The following RFWD3 variants were observed in gnomAD, a reference collection of about 807,000 sequenced individuals.
RFWD3 encodes ring finger and WD repeat domain 3.
Under a neutral mutation model 87.7 loss-of-function variants are expected in RFWD3, and 65 were observed. That is an observed-to-expected ratio of 0.74 (90% CI 0.61 to 0.91). The LOEUF is 0.91. Among genes scored for constraint, RFWD3 ranks in the 40% least tolerant of loss-of-function variants. The pLI is 0.00. For missense variants in RFWD3, 1,078 were observed against 938.5 expected (o/e 1.15, Z -1.94); for synonymous variants, 433 against 352.8 (o/e 1.23, Z -2.55).
rs1404624996 is a variant in RFWD3, at chr16:74,621,848, C to A, written c.*2080G>T. On this transcript the variant is annotated 3_prime_UTR_variant, in exon 13 of 13. Transcript: ENST00000361070. ...TAGCTGGGACTACAGGCATGCGCAC[C>A]ACTGCACCCAGTTAATTTTTGTATT... 1 of 152,140 alleles carries A rather than the reference C, an allele frequency of 6.6e-6. No homozygotes were observed. 9.4% of individuals were successfully genotyped at this position (152,140 alleles called of 1,614,324 possible).
rs1013030767 is a variant in RFWD3 at position 74,628,498 on chromosome 16, A to C, written c.1923T>G (p.Phe641Leu). ...AGTGCCGGGAGCTGTTCTCTGTCTG[A>C]AAGTCTATGCAGCCCCCTGGCTCCA... ...LPLEPGGCID[F>L]QTENSSRHCL... The change falls in exon 11 of 13, where the codon TTT becomes TTG. Residue 641 changes from phenylalanine (F) to leucine (L), a missense_variant. Transcript: ENST00000361070. The C allele has an allele frequency of 1.2e-6, 2 of 1,614,058 alleles. No individual in the cohort carries two copies. Among genetic ancestry groups the C allele is most frequent in the African/African-American group, 2.7e-5 (2 of 74,920 alleles).
chr16:74,654,666 T>G (rs1597451183), intron 2 of RFWD3, among the ~76,000 whole-genome samples: 1 of 152,294 alleles, frequency 6.6e-6, no homozygotes, highest in African/African-American at 2.4e-5. Flanking sequence ...GAGGAAGGCA[T>G]GTCAAAAGCT....
intron 10 of RFWD3, among the ~76,000 whole-genome samples, chr16:74,630,110 T>C (rs1236200987): frequency 1.3e-5 from 2 of 152,150 alleles, no homozygotes; most frequent in South Asian, 2.1e-4. Context: ...TTTTTTTTTT[T>C]CTTGAGATGG....
At chr16:74,627,775 C>T (rs374838893) in intron 11 of RFWD3, among the ~76,000 whole-genome samples, 7 of 152,304 alleles carry the variant, frequency 4.6e-5, no homozygotes, top group African/African-American at 1.7e-4. Context: ...GAAAGGCAAA[C>T]TATGAACACC....
In RFWD3 at chr16:74,628,534, A is replaced by T; in HGVS notation, c.1887T>A (p.His629Gln). The T allele has an allele frequency of 6.2e-7, 1 of 1,614,182 alleles. No individual in the cohort carries two copies. The highest frequency in any genetic ancestry group is 8.5e-7 in the Non-Finnish European group (1 of 1,180,034). Residue 629 changes from histidine to glutamine, a missense_variant, in exon 11 of 13, where the codon CAT becomes CAA. His to Gln is a conservative substitution (Grantham distance 24). Transcript: ENST00000361070. ...AGCCCCCTGGCTCCAAGGGCAGCAC[A>T]TGAGGCCAATGAGAAAAGTCCATTT... ...EQKMDFSHWP[H>Q]VLPLEPGGCI...
intron 12 of RFWD3, among the ~76,000 whole-genome samples, chr16:74,624,743 T>C (rs1958871724): frequency 6.6e-6 from 1 of 152,288 alleles, no homozygotes; most frequent in Non-Finnish European, 1.5e-5. Flanking sequence ...CACCTGTAAT[T>C]CCAACACTTT....
chr16:74,624,210 C>CA, intron 12 of RFWD3, 139 bp from the exon 13 acceptor site: 2 of 984,514 alleles, frequency 2.0e-6, no homozygotes, highest in Non-Finnish European at 2.9e-6. Context: ...CTAACCTTTG[C>CA]AAGGTTGTTC....
At chr16:74,649,748 A>C (rs2144251166) in intron 3 of RFWD3, among the ~76,000 whole-genome samples, 1 of 152,270 alleles carries the variant, frequency 6.6e-6, no homozygotes, top group East Asian at 1.9e-4. Flanking sequence ...GAATCCAAAA[A>C]AAGTCTCCAT....
chr16:74,636,614 T>TA, intron 7 of RFWD3, 37 bp from the exon 8 acceptor site: 1 of 1,404,012 alleles, frequency 7.1e-7, no homozygotes, highest in Non-Finnish European at 9.9e-7. Flanking sequence ...CAAAGCTTTT[T>TA]AATTTGATAT....
At chr16:74,634,950 T>G (rs986300269) in intron 8 of RFWD3, among the ~76,000 whole-genome samples, 6 of 152,052 alleles carry the variant, frequency 3.9e-5, no homozygotes, top group African/African-American at 1.2e-4. Context: ...GAGACCAGCC[T>G]GACCAAAATG....
chr16:74,664,526 A>G (rs1961724359), intron 1 of RFWD3: 1 of 152,100 alleles, frequency 6.6e-6, no homozygotes, highest in Non-Finnish European at 1.5e-5. Context: ...TGAGGCAGGT[A>G]GCTGGAGACC....
intron 2 of RFWD3, among the ~76,000 whole-genome samples, chr16:74,655,406 A>AT (rs771700177): frequency 0.01 from 1,454 of 143,764 alleles, 9 homozygotes; most frequent in Non-Finnish European, 0.01. Flanking sequence ...CGCCTGGCTA[A>AT]TTTTTTTTTT....
In RFWD3 at chr16:74,626,450, CA is replaced by C. The variant is rs867228258; in HGVS notation, c.2073del (p.Phe691LeufsTer9). 4 of 1,614,118 alleles carry C rather than the reference CA, an allele frequency of 2.5e-6. No individual in the cohort carries two copies. The highest frequency in any genetic ancestry group is 3.4e-6 in the Non-Finnish European group (4 of 1,180,008). On this transcript the variant is annotated frameshift_variant, in exon 12 of 13. Transcript: ENST00000361070. LOFTEE classifies it high-confidence loss of function. The part of the protein sequence containing the change: ...ICSCQPVHTF[F>X]GGPTCKLLTK... ...GTCAATAGTTTGCAAGTAGGTCCTCCAAAAAATGTATGTACAGGCTGGCAGG... is the reference window on the plus strand; with the variant it reads ...GTCAATAGTTTGCAAGTAGGTCCTCCAAAAATGTATGTACAGGCTGGCAGG...
rs567375851 is a variant in RFWD3, at chr16:74,635,481, A to T, written c.1426+865T>A. Among the ~76,000 whole-genome samples, 469 of 152,078 alleles carry T rather than the reference A, an allele frequency of 3.1e-3. 2 individuals carry two copies. The highest frequency in any genetic ancestry group is 0.011 in the African/African-American group (460 of 41,478). Reference sequence around the variant, plus strand: ...GACTCCATCTCAAAAGAAAAAAAAAAAATCAACAAGGTAACAGAAATACAC... The same window carrying T: ...GACTCCATCTCAAAAGAAAAAAAAATAATCAACAAGGTAACAGAAATACAC... On this transcript the variant is annotated intron_variant, in intron 8 of 12. Transcript: ENST00000361070.
At chr16:74,643,512 G>T (rs747210793) in intron 6 of RFWD3, among the ~76,000 whole-genome samples, 1 of 151,958 alleles carries the variant, frequency 6.6e-6, no homozygotes, top group Admixed American at 6.6e-5. Context: ...TAGATCAAAG[G>T]CTTTAGAGAC....
At chr16:74,631,823 G>C (rs1597414431) in intron 9 of RFWD3, among the ~76,000 whole-genome samples, 1 of 152,150 alleles carries the variant, frequency 6.6e-6, no homozygotes, top group South Asian at 2.1e-4. Flanking sequence ...GTTTCACCAT[G>C]TTGGCCAGGC....
At chr16:74,651,877 T>C in intron 3 of RFWD3, 43 bp downstream of exon 3, 2 of 1,561,264 alleles carry the variant, frequency 1.3e-6, no homozygotes, top group Non-Finnish European at 8.8e-7. Context: ...TTAAGCTTCA[T>C]GGATGTTAGC....
chr16:74,625,504 A>C (rs1958905258), intron 12 of RFWD3, among the ~76,000 whole-genome samples: 1 of 129,628 alleles, frequency 7.7e-6, no homozygotes, highest in Non-Finnish European at 1.6e-5. Flanking sequence ...ACAGAGCGAG[A>C]CCGTCTCAAG....
intron 4 of RFWD3, among the ~76,000 whole-genome samples, chr16:74,647,346 G>A (rs1431419918): frequency 1.3e-5 from 2 of 151,902 alleles, no homozygotes; most frequent in East Asian, 3.9e-4. Flanking sequence ...GGAGTGCAAT[G>A]GCACAATCTC....
Sources: allele counts gnomAD v4.1 joint callset (sites outside exome capture counted in the v4.1 genomes callset), GRCh38; gene constraint gnomAD v4.1.1; transcripts MANE v1.5; gene names NCBI Gene and HGNC (gene_info 2026-07-23, HGNC 2026-07-21).